CNTN5: variants seen among roughly 807,000 people sequenced by gnomAD.
CNTN5 encodes contactin 5.
A neutral mutation model predicts 129.1 loss-of-function variants in CNTN5; 77 were observed. The observed-to-expected ratio is 0.60, with a 90% CI of 0.50 to 0.72. The LOEUF is 0.72. Ranked by LOEUF, CNTN5 falls within the 30% of genes least tolerant of loss-of-function variation. The pLI is 0.00. For synonymous variants in CNTN5, 509 were observed against 465.6 expected (o/e 1.09, Z -1.20); for missense variants, 1,478 against 1,328.8 (o/e 1.11, Z -1.75).
intron 23 of CNTN5, among the ~76,000 whole-genome samples, chr11:100,342,160 C>CACACACACACACACACAT (rs1952178120): frequency 6.6e-6 from 1 of 150,844 alleles, no homozygotes; most frequent in African/African-American, 2.4e-5. Context: ...CAGACACACA[C>CACACACACACACACACAT]ACACACACAC....
At chr11:99,124,492 T>G (rs940146927) in intron 1 of CNTN5, among the ~76,000 whole-genome samples, 1 of 151,910 alleles carries the variant, frequency 6.6e-6, no homozygotes, top group African/African-American at 2.4e-5. Context: ...TATATAGCAC[T>G]AAACGCCCAC....
intron 1 of CNTN5, among the ~76,000 whole-genome samples, chr11:99,138,431 G>T (rs1049071304): frequency 5.3e-5 from 8 of 152,136 alleles, no homozygotes; most frequent in African/African-American, 1.7e-4. Context: ...AAAATGGTAT[G>T]TATAAACCCA....
chr11:99,131,254 A>AAAAAAAAG lies in CNTN5; in HGVS notation c.-210+109991_-210+109992insGAAAAAAA, dbSNP rs1169026879. 4.7e-5 allele frequency among the ~76,000 whole-genome samples: 7 copies of AAAAAAAAG among 148,216 alleles called. 1 individual carries two copies. Among genetic ancestry groups the AAAAAAAAG allele is most frequent in the Admixed American group, 4.7e-4 (7 of 14,834 alleles). On this transcript the variant is annotated intron_variant, in intron 1 of 24. Transcript: ENST00000524871. ...CAGAGTGAGACTCCATCTCAGAAAA[A>AAAAAAAAG]AAAAAAAAAAGAAAAATTTATAGCA...
intron 7 of CNTN5, among the ~76,000 whole-genome samples, chr11:99,931,372 T>A (rs1950188414): frequency 6.6e-6 from 1 of 152,168 alleles, no homozygotes; most frequent in Non-Finnish European, 1.5e-5. Context: ...ATGGAGTTTG[T>A]TTTAGAATAT....
At chr11:99,104,099 A>G (rs995066076) in intron 1 of CNTN5, among the ~76,000 whole-genome samples, 1 of 152,200 alleles carries the variant, frequency 6.6e-6, no homozygotes, top group Non-Finnish European at 1.5e-5. Context: ...TTCATAATGA[A>G]CATCATAGCA....
intron 3 of CNTN5, among the ~76,000 whole-genome samples, chr11:99,636,384 CT>C (rs61174561): frequency 0.91 from 136,434 of 149,990 alleles, 62,011 homozygotes; most frequent in South Asian, 0.91. Context: ...TTTTTTTTTT[CT>C]TTTTTTTTGT....
At position 100,021,815 on chromosome 11, in the gene CNTN5, T is replaced by C. The variant is rs575656385; in HGVS notation, c.980+19679T>C. 4.6e-5 allele frequency among the ~76,000 whole-genome samples: 7 copies of C among 152,262 alleles called. No homozygotes were observed. In the East Asian group the frequency reaches 1.4e-3, roughly 29 times the overall value. On this transcript the variant is annotated intron_variant, in intron 9 of 24. Coordinates refer to ENST00000524871, the MANE Select transcript of CNTN5 (RefSeq NM_014361.4). ...GTAGGGAAGCTGACAGTGCAGCCTT[T>C]AGTGTGTGGCCAAAGGCCCAAGAGC... is the stretch of plus-strand genomic sequence containing the variant.
chr11:100,177,890 C>A (rs548367468), intron 13 of CNTN5, among the ~76,000 whole-genome samples: 1 of 152,064 alleles, frequency 6.6e-6, no homozygotes, highest in Non-Finnish European at 1.5e-5. Flanking sequence ...CTGTTTTTCT[C>A]GTCCAAGTTC....
At chr11:99,482,169 C>G (rs1945627226) in intron 2 of CNTN5, among the ~76,000 whole-genome samples, 1 of 152,106 alleles carries the variant, frequency 6.6e-6, no homozygotes, top group African/African-American at 2.4e-5. Flanking sequence ...GTACGCTATA[C>G]CTTTCCCTTT....
At chr11:100,285,924 C>T (rs892542511) in intron 18 of CNTN5, among the ~76,000 whole-genome samples, 8 of 152,312 alleles carry the variant, frequency 5.3e-5, no homozygotes, top group Admixed American at 2.0e-4. Context: ...CGAAGCAGGG[C>T]GAGGCGTTGC....
intron 1 of CNTN5, among the ~76,000 whole-genome samples, chr11:99,227,082 C>T (rs1016175294): frequency 1.3e-5 from 2 of 151,980 alleles, no homozygotes; most frequent in Non-Finnish European, 2.9e-5. Flanking sequence ...ATAAGGTGGC[C>T]ACACGCAGTG....
chr11:99,511,222 C>A (rs1472696756), intron 2 of CNTN5, among the ~76,000 whole-genome samples: 1 of 151,950 alleles, frequency 6.6e-6, no homozygotes, highest in African/African-American at 2.4e-5. Flanking sequence ...GAATGTGTCC[C>A]AGAGATTCTG....
intron 2 of CNTN5, among the ~76,000 whole-genome samples, chr11:99,510,916 T>C (rs1280653101): frequency 2.0e-5 from 3 of 152,144 alleles, no homozygotes; most frequent in Non-Finnish European, 4.4e-5. Context: ...ATTATAATCA[T>C]AGGAGATGAC....
intron 3 of CNTN5, among the ~76,000 whole-genome samples, chr11:99,690,444 T>C (rs1953994522): frequency 6.6e-6 from 1 of 152,152 alleles, no homozygotes; most frequent in Non-Finnish European, 1.5e-5. Context: ...ATCTGGCTAT[T>C]CGGGCTCTTT....
chr11:99,793,980 G>A (rs1245520414), intron 3 of CNTN5, among the ~76,000 whole-genome samples: 2 of 152,086 alleles, frequency 1.3e-5, no homozygotes, highest in African/African-American at 4.8e-5. Context: ...TTAGTTTTCT[G>A]CCTCGATGAT....
intron 2 of CNTN5, among the ~76,000 whole-genome samples, chr11:99,516,136 T>TAA (rs35072410): frequency 0.058 from 8,749 of 151,336 alleles, 249 homozygotes; most frequent in South Asian, 0.083. Context: ...TGCTAATTGT[T>TAA]AAAAAAAATG....
intron 3 of CNTN5, among the ~76,000 whole-genome samples, chr11:99,563,468 C>G (rs1257990351): frequency 1.3e-5 from 2 of 152,174 alleles, no homozygotes; most frequent in Non-Finnish European, 1.5e-5. Flanking sequence ...TATGGAAATT[C>G]AATTCACTTT....
chr11:99,450,831 T>C (rs947673603), intron 2 of CNTN5, among the ~76,000 whole-genome samples: 1 of 149,856 alleles, frequency 6.7e-6, no homozygotes, highest in Non-Finnish European at 1.5e-5. Context: ...GCTTTGAGTA[T>C]TGATTTTTAG....
At chr11:99,842,345 A>G (rs1947535690) in intron 4 of CNTN5, among the ~76,000 whole-genome samples, 1 of 152,230 alleles carries the variant, frequency 6.6e-6, no homozygotes, top group Admixed American at 6.5e-5. Flanking sequence ...TAGTAATTAT[A>G]CTACAAGTAA....
Sources: allele counts gnomAD v4.1 joint callset (sites outside exome capture counted in the v4.1 genomes callset), GRCh38; gene constraint gnomAD v4.1.1; transcripts MANE v1.5; gene names NCBI Gene and HGNC (gene_info 2026-07-23, HGNC 2026-07-21).